Variants in ALK observed in about 807,000 individuals in gnomAD.
ALK encodes ALK tyrosine kinase receptor.
A neutral mutation model predicts 163.1 loss-of-function variants in ALK; 74 were observed. The observed-to-expected ratio is 0.45, with a 90% confidence interval of 0.38 to 0.55. The LOEUF (loss-of-function observed/expected upper bound fraction) is 0.55. Among genes scored for constraint, ALK ranks in the 20% least tolerant of loss-of-function variants. The pLI, the probability that ALK is intolerant of heterozygous loss-of-function variation, is 0.00. For synonymous variants in ALK, 960 were observed against 843.2 expected, an observed-to-expected ratio of 1.14 and a Z score of -2.40; for missense variants, 2,063 against 2,105.3, an observed-to-expected ratio of 0.98 and a Z score of 0.39.
chr2:29,408,474 G>T (rs7563266), intron 4 of ALK, among the ~76,000 whole-genome samples: 141,211 of 152,204 alleles, frequency 0.93, 66,368 homozygotes, highest in Non-Finnish European at 1. Context: ...GCTCAGGATA[G>T]GAGCCAGTGG....
At chr2:29,800,054 T>C (rs533793769) in intron 1 of ALK, among the ~76,000 whole-genome samples, 1 of 152,160 alleles carries the variant, frequency 6.6e-6, no homozygotes, top group African/African-American at 2.4e-5. Context: ...CATAATTCAG[T>C]GTGGTGCGTG....
chr2:29,818,108 T>A (rs1664947951), intron 1 of ALK, among the ~76,000 whole-genome samples: 1 of 152,160 alleles, frequency 6.6e-6, no homozygotes, highest in Non-Finnish European at 1.5e-5. Context: ...GAGTCAGACT[T>A]ATTATTCCTC....
Position 29,209,841 on chromosome 2 carries a change from C to T in ALK, c.3781G>A (p.Gly1261Ser), listed in dbSNP as rs759144859. 1.2e-6 allele frequency: 2 copies of T among 1,614,156 alleles called. No homozygotes were observed. Among genetic ancestry groups the T allele is most frequent in the Admixed American group, 1.7e-5 (1 of 60,024 alleles). The change falls in exon 25 of 29, where the codon GGC (glycine) becomes AGC (serine). Residue 1261 changes from glycine (G) to serine (S), a missense_variant. Gly to Ser is a moderately conservative substitution (Grantham distance 56). Coordinates refer to ENST00000389048, the MANE Select transcript of ALK (RefSeq NM_004304.5). ...AARNCLLTCP[G>S]PGRVAKIGDF... Reference sequence around the variant, plus strand: ...CCAATCTTGGCCACTCTTCCAGGGCCTGGACAGGTCAAGAGGCAGTTTCTG... The same window carrying T: ...CCAATCTTGGCCACTCTTCCAGGGCTTGGACAGGTCAAGAGGCAGTTTCTG...
chr2:29,558,432 C>A (rs1047660137), intron 3 of ALK, among the ~76,000 whole-genome samples: 4 of 152,088 alleles, frequency 2.6e-5, no homozygotes, highest in Admixed American at 1.3e-4. Flanking sequence ...TTTACAGCTC[C>A]CTGCTTTCTG....
At chr2:29,829,859 G>T (rs747909785) in intron 1 of ALK, among the ~76,000 whole-genome samples, 12 of 152,324 alleles carry the variant, frequency 7.9e-5, no homozygotes, top group Middle Eastern at 3.4e-3. Context: ...ACTGGACTTT[G>T]ATTTCTCTTT....
At chr2:29,782,966 C>T (rs1259987526) in intron 1 of ALK, among the ~76,000 whole-genome samples, 2 of 152,180 alleles carry the variant, frequency 1.3e-5, no homozygotes, top group Non-Finnish European at 2.9e-5. Context: ...TGTTCATGAA[C>T]ATTACTCAAA....
chr2:29,784,065 C>T (rs1388020633), intron 1 of ALK, among the ~76,000 whole-genome samples: 1 of 151,314 alleles, frequency 6.6e-6, no homozygotes, highest in African/African-American at 2.4e-5. Flanking sequence ...GAGAGCGAGA[C>T]AACGAGAGAG....
intron 2 of ALK, among the ~76,000 whole-genome samples, chr2:29,710,369 C>A (rs888811724): frequency 1.7e-4 from 26 of 152,128 alleles, no homozygotes; most frequent in Admixed American, 1.6e-3. Flanking sequence ...TCCTGGTTCT[C>A]CTCCTGTCTC....
chr2:29,640,137 A>G (rs1476132641), intron 3 of ALK, among the ~76,000 whole-genome samples: 1 of 152,140 alleles, frequency 6.6e-6, no homozygotes, highest in Admixed American at 6.5e-5. Context: ...ATGATTCTCT[A>G]TTGCAATTTC....
At position 29,761,837 on chromosome 2, in the gene ALK, A is replaced by G. The variant is rs148669210; in HGVS notation, c.668-44140T>C. Among the ~76,000 whole-genome samples, 719 of 152,324 alleles carry G rather than the reference A, an allele frequency of 4.7e-3. 12 individuals carry two copies. Among genetic ancestry groups the G allele is most frequent in the African/African-American group, 0.017 (692 of 41,554 alleles). ...CCCTTTGGGTTCCAGTAACGAGTCC[A>G]GAAGCTTAGAAGGACTCCAAGCCGG... On this transcript the variant is annotated intron_variant, in intron 1 of 28. Transcript: ENST00000389048.
intron 15 of ALK, among the ~76,000 whole-genome samples, chr2:29,229,404 C>T (rs1208465515): frequency 2.6e-5 from 4 of 152,186 alleles, no homozygotes; most frequent in South Asian, 2.1e-4. Flanking sequence ...CGACTAAACT[C>T]GTTCCTCTAT....
At chr2:29,423,440 C>T (rs765344177) in intron 4 of ALK, among the ~76,000 whole-genome samples, 1 of 152,258 alleles carries the variant, frequency 6.6e-6, no homozygotes, top group South Asian at 2.1e-4. Context: ...CACTGGGGAG[C>T]GAAGGCTTAG....
At chr2:29,762,037 A>G (rs1042384553) in intron 1 of ALK, among the ~76,000 whole-genome samples, 2 of 152,228 alleles carry the variant, frequency 1.3e-5, no homozygotes, top group Non-Finnish European at 2.9e-5. Flanking sequence ...CAATCTGCAC[A>G]ATGTAAATTC....
chr2:29,795,271 G>C (rs1664279653), intron 1 of ALK, among the ~76,000 whole-genome samples: 1 of 152,072 alleles, frequency 6.6e-6, no homozygotes, highest in Non-Finnish European at 1.5e-5. Context: ...TAAGGTGGCA[G>C]TTTTTCTTTG....
At chr2:29,357,748 G>A (rs943352620) in intron 5 of ALK, among the ~76,000 whole-genome samples, 2 of 152,176 alleles carry the variant, frequency 1.3e-5, no homozygotes, top group Non-Finnish European at 2.9e-5. Context: ...TGCAGAATCT[G>A]CAGGCTGACC....
chr2:29,625,210 A>G (rs1400520206), intron 3 of ALK, among the ~76,000 whole-genome samples: 3 of 152,200 alleles, frequency 2.0e-5, no homozygotes, highest in Non-Finnish European at 2.9e-5. Context: ...CAACAATCCT[A>G]TATTTATTTT....
intron 1 of ALK, among the ~76,000 whole-genome samples, chr2:29,763,994 G>C (rs915662741): frequency 6.6e-6 from 1 of 152,104 alleles, no homozygotes; most frequent in Non-Finnish European, 1.5e-5. Flanking sequence ...TGGGGAGGTG[G>C]AGATCACTAT....
chr2:29,815,939 A>G (rs1466028837), intron 1 of ALK, among the ~76,000 whole-genome samples: 1 of 152,188 alleles, frequency 6.6e-6, no homozygotes, highest in African/African-American at 2.4e-5. Flanking sequence ...CTTTAATCAC[A>G]TTTTACAGGG....
intron 4 of ALK, among the ~76,000 whole-genome samples, chr2:29,443,170 T>C (rs1020804299): frequency 6.6e-6 from 1 of 152,256 alleles, no homozygotes; most frequent in Non-Finnish European, 1.5e-5. Context: ...GCCTCTGTAG[T>C]GTCACAGGTT....
Sources: allele counts gnomAD v4.1 joint callset (sites outside exome capture counted in the v4.1 genomes callset), GRCh38; gene constraint gnomAD v4.1.1; transcripts MANE v1.5; gene names NCBI Gene and HGNC (gene_info 2026-07-23, HGNC 2026-07-21).